The following NSG1 variants were observed in gnomAD, a reference collection of about 807,000 sequenced individuals.
NSG1 encodes neuronal vesicle trafficking-associated protein 1.
Under a neutral mutation model 19.3 loss-of-function variants are expected in NSG1, and 9 were observed. That is an observed-to-expected ratio of 0.47 (90% CI 0.28 to 0.81). NSG1 has a LOEUF of 0.81. Among genes scored for constraint, NSG1 ranks in the 40% least tolerant of loss-of-function variants. NSG1 has a pLI of 0.11. For missense variants in NSG1, 236 were observed against 242.4 expected (o/e 0.97, Z 0.18); for synonymous variants, 104 against 107.0 (o/e 0.97, Z 0.17).
chr4:4,392,454 G>A (rs963905490), intron 3 of NSG1, among the ~76,000 whole-genome samples: 2 of 152,198 alleles, frequency 1.3e-5, no homozygotes, highest in Admixed American at 6.5e-5. Context: ...AGTGTGAGCA[G>A]TTTGCTTGTG....
At chr4:4,386,934 G>T (rs1035625834), upstream of NSG1, 1 of 152,130 alleles carries the variant, frequency 6.6e-6, no homozygotes, top group East Asian at 1.9e-4. Flanking sequence ...TTGTGCGGCC[G>T]GGCGGGCGCT....
At position 4,409,686 on chromosome 4, in the gene NSG1, A is replaced by G; in HGVS notation, c.357+3A>G. 2 of 1,611,540 alleles carry G rather than the reference A, an allele frequency of 1.2e-6. No homozygotes were observed. The highest frequency in any genetic ancestry group is 1.1e-5 in the South Asian group (1 of 91,044). On this transcript the variant is annotated splice_donor_region_variant and intron_variant, in intron 4 of 4. Transcript: ENST00000621129. Reference sequence around the variant, plus strand: ...GCCCCGATGGGTTCGTCCTCAAGGTAAAACTCCGTTTTCCCCCAGAGGCCC... The same window carrying G: ...GCCCCGATGGGTTCGTCCTCAAGGTGAAACTCCGTTTTCCCCCAGAGGCCC...
At chr4:4,409,472 C>G in intron 3 of NSG1, 101 bp from the exon 4 acceptor site, 1 of 860,550 alleles carries the variant, frequency 1.2e-6, no homozygotes, top group Non-Finnish European at 2.0e-6. Context: ...CAGAGATAGT[C>G]TCTGCACATG....
At chr4:4,416,290 G>T in intron 4 of NSG1, 1 of 691,616 alleles carries the variant, frequency 1.4e-6, no homozygotes, top group Non-Finnish European at 2.6e-6. Flanking sequence ...TGGATGCGGG[G>T]CAGTGTTGGT....
intron 3 of NSG1, 62 bp downstream of exon 3, chr4:4,391,653 C>T (rs900908279): frequency 2.7e-6 from 3 of 1,115,756 alleles, no homozygotes; most frequent in African/African-American, 1.6e-5. Context: ...TGCTGAGCTG[C>T]ATAGATGCCC....
chr4:4,391,543 T>C lies in NSG1; in HGVS notation c.198T>C (p.Ile66=). The change falls in exon 3 of 5, where the codon ATT becomes ATC. Residue 66 remains isoleucine, a synonymous_variant. Transcript: ENST00000621129. ...RKKGKARPPQ[I]AEFTVSITEG... ...AAGGGAAAGCACGTCCTCCCCAAAT[T>C]GCTGAGTTCACCGTCAGCATCACGG... 2 of 1,613,878 alleles carry C rather than the reference T, an allele frequency of 1.2e-6. No homozygotes were observed. The highest frequency in any genetic ancestry group is 1.7e-6 in the Non-Finnish European group (2 of 1,179,936).
At chr4:4,396,231 G>A (rs1723242332) in intron 3 of NSG1, among the ~76,000 whole-genome samples, 2 of 152,142 alleles carry the variant, frequency 1.3e-5, no homozygotes, top group Non-Finnish European at 2.9e-5. Flanking sequence ...GGGGCTGCTG[G>A]GGCCGCTGCT....
At chr4:4,401,668 G>A (rs1018116066) in intron 3 of NSG1, among the ~76,000 whole-genome samples, 4 of 152,100 alleles carry the variant, frequency 2.6e-5, no homozygotes, top group African/African-American at 9.7e-5. Context: ...AGCCCTGCAG[G>A]GCTGCTCAAC....
At chr4:4,413,519 G>C (rs907965222) in intron 4 of NSG1, among the ~76,000 whole-genome samples, 2 of 151,332 alleles carry the variant, frequency 1.3e-5, no homozygotes, top group South Asian at 2.1e-4. Context: ...TTCAGGGAAC[G>C]AGGGCAGTGC....
chr4:4,387,561 C>CCCGGGGT, intron 1 of NSG1, 43 bp from the exon 2 acceptor site: 5 of 1,141,990 alleles, frequency 4.4e-6, no homozygotes, highest in Non-Finnish European at 6.2e-6. Context: ...CGCCCCGCCC[C>CCCGGGGT]GGGTCTTGCT....
At chr4:4,401,686 A>C (rs1723555454) in intron 3 of NSG1, among the ~76,000 whole-genome samples, 1 of 152,162 alleles carries the variant, frequency 6.6e-6, no homozygotes. Context: ...AACCACGTCA[A>C]AGCACCTGAG....
At chr4:4,405,171 C>A (rs935118187) in intron 3 of NSG1, among the ~76,000 whole-genome samples, 1 of 152,234 alleles carries the variant, frequency 6.6e-6, no homozygotes, top group Non-Finnish European at 1.5e-5. Context: ...CTCCTAGTTC[C>A]TGGAGGTTGC....
chr4:4,387,902 A>T lies in NSG1; in HGVS notation c.129+144A>T. 3 of 688,860 alleles carry T rather than the reference A, an allele frequency of 4.4e-6. No homozygotes were observed. In the South Asian group the frequency reaches 5.4e-5, roughly 12 times the overall value. The allele number at this position is 688,860 out of a possible 1,614,324, so 42.7% of individuals were successfully genotyped here. A position where few individuals can be genotyped will look rare whatever the true frequency, so the allele number is the denominator to read the frequency against. ...AGGCCGGAGGGAGCGCGGCGAGGACAGTGTACCCGCGCGGGATTCTGGATC... is the reference window on the plus strand; with the variant it reads ...AGGCCGGAGGGAGCGCGGCGAGGACTGTGTACCCGCGCGGGATTCTGGATC... On this transcript the variant is annotated intron_variant, in intron 2 of 4. Coordinates refer to ENST00000621129, the MANE Select transcript of NSG1 (RefSeq NM_014392.5).
At chr4:4,389,930 C>T (rs148203370) in intron 2 of NSG1, among the ~76,000 whole-genome samples, 1 of 152,124 alleles carries the variant, frequency 6.6e-6, no homozygotes, top group Non-Finnish European at 1.5e-5. Context: ...AGGTCACTAC[C>T]ATGTTACCCC....
At chr4:4,413,733 G>A (rs1724357648) in intron 4 of NSG1, among the ~76,000 whole-genome samples, 1 of 151,782 alleles carries the variant, frequency 6.6e-6, no homozygotes, top group Non-Finnish European at 1.5e-5. Flanking sequence ...GAAGTGATAG[G>A]GTGACCTCTT....
chr4:4,399,607 TAAAC>T (rs1723443385), intron 3 of NSG1, among the ~76,000 whole-genome samples: 2 of 152,050 alleles, frequency 1.3e-5, no homozygotes, highest in East Asian at 1.9e-4. Flanking sequence ...GTTTCTTTGA[TAAAC>T]AAAATCTTAC....
intron 2 of NSG1, 103 bp downstream of exon 2, chr4:4,387,861 T>C: frequency 1.0e-6 from 1 of 995,870 alleles, no homozygotes; most frequent in Non-Finnish European, 1.5e-6. Context: ...GTACGCGAAG[T>C]GGGGGCGGGC....
At position 4,402,135 on chromosome 4, in the gene NSG1, C is replaced by T. The variant is rs543649857; in HGVS notation, c.247-7438C>T. Among the ~76,000 whole-genome samples the T allele has an allele frequency of 6.7e-5, 10 of 150,334 alleles. No individual in the cohort carries two copies. In the South Asian group the frequency reaches 2.1e-3, roughly 32 times the overall value. ...AACTCCTGGGCTCAAGTGATCCTCT[C>T]GCTTCGGCCTCCCAAAGTGCTGGGA... On this transcript the variant is annotated intron_variant, in intron 3 of 4. Coordinates refer to ENST00000621129, the MANE Select transcript of NSG1 (RefSeq NM_014392.5).
intron 2 of NSG1, among the ~76,000 whole-genome samples, chr4:4,388,912 G>A (rs1487878478): frequency 6.6e-6 from 1 of 152,238 alleles, no homozygotes. Flanking sequence ...CCAGGCCACG[G>A]TGGTGCCACT....
Sources: gnomAD v4.1 joint callset for allele counts (sites outside exome capture counted in the v4.1 genomes callset) on GRCh38, gnomAD v4.1.1 for gene constraint, MANE v1.5 for transcripts, NCBI Gene and HGNC (gene_info 2026-07-23, HGNC 2026-07-21) for gene names.